The following VAX2 variants were observed in gnomAD, a reference collection of about 807,000 sequenced individuals.
VAX2 encodes the protein ventral anterior homeobox 2.
In VAX2, 8 loss-of-function variants were observed where a neutral mutation model predicts 12.5. That is an observed-to-expected ratio of 0.64 (90% CI 0.37 to 1.15). The LOEUF (loss-of-function observed/expected upper bound fraction) is 1.15. VAX2 is among the 50% of genes most tolerant of loss of function. VAX2 has a pLI of 0.01. For synonymous variants in VAX2, 183 were observed against 187.6 expected (o/e 0.98, Z 0.20); for missense variants, 476 against 412.9 (o/e 1.15, Z -1.32).
chr2:70,909,579 A>G (rs1334811450), intron 1 of VAX2, among the ~76,000 whole-genome samples: 1 of 151,966 alleles, frequency 6.6e-6, no homozygotes, highest in African/African-American at 2.4e-5. Flanking sequence ...TTACCTTCCA[A>G]ACTTTACCTA....
intron 1 of VAX2, among the ~76,000 whole-genome samples, chr2:70,903,423 A>AG (rs1221436082): frequency 7.9e-5 from 12 of 151,908 alleles, no homozygotes; most frequent in Non-Finnish European, 1.5e-4. Flanking sequence ...GGCATACCAC[A>AG]GGGGGGTGGG....
intron 1 of VAX2, among the ~76,000 whole-genome samples, chr2:70,920,451 T>G (rs1029265990): frequency 2.6e-5 from 4 of 152,060 alleles, no homozygotes; most frequent in Non-Finnish European, 4.4e-5. Context: ...ACTAGGCACA[T>G]GGGGAGTGGC....
intron 2 of VAX2, among the ~76,000 whole-genome samples, chr2:70,930,721 C>A (rs1553414194): frequency 6.6e-6 from 1 of 152,234 alleles, no homozygotes; most frequent in East Asian, 1.9e-4. Flanking sequence ...ACCTGGGCAG[C>A]CCTCTGGCTC....
chr2:70,914,948 A>C (rs2104768941), intron 1 of VAX2, among the ~76,000 whole-genome samples: 1 of 151,842 alleles, frequency 6.6e-6, no homozygotes, highest in South Asian at 2.1e-4. Flanking sequence ...TTAGAGGCGC[A>C]CGCCACCACA....
In VAX2 at chr2:70,932,810, A is replaced by T. The variant is rs782613754; in HGVS notation, c.479A>T (p.Asp160Val). The change falls in exon 3 of 3, where the codon GAC becomes GTC. Residue 160 changes from aspartate to valine, a missense_variant. Transcript: ENST00000234392. ...AACCGCCGCACCAAGCAGAAGAAAG[A>T]CCAGAGCAGAGACCTGGAGAAGCGG... Reference protein sequence around the residue: ...FQNRRTKQKKDQSRDLEKRAS... With the variant: ...FQNRRTKQKKVQSRDLEKRAS... 1 of 1,606,240 alleles carries T rather than the reference A, an allele frequency of 6.2e-7. No individual in the cohort carries two copies. Among genetic ancestry groups the T allele is most frequent in the Admixed American group, 1.7e-5 (1 of 59,060 alleles).
chr2:70,900,657 C>T lies in VAX2; in HGVS notation c.36C>T (p.Pro12=), dbSNP rs949123491. 66 of 1,281,118 alleles carry T rather than the reference C, an allele frequency of 5.2e-5. No individual in the cohort carries two copies. The highest frequency in any genetic ancestry group is 5.8e-5 in the Non-Finnish European group (59 of 1,013,994). 79.4% of individuals were successfully genotyped at this position (1,281,118 alleles called of 1,614,324 possible). A position where few individuals can be genotyped will look rare whatever the true frequency, so the allele number is the denominator to read the frequency against. ...GDGGAERDRG[P]ARRAESGGGG... ...GGGGCGCCGAGCGCGACCGGGGCCC[C>T]GCGCGCCGGGCGGAGTCTGGTGGCG... Residue 12 remains proline (P), a synonymous_variant, in exon 1 of 3, where the codon CCC becomes CCT. Transcript: ENST00000234392.
chr2:70,918,326 G>A (rs1679352530), intron 1 of VAX2, among the ~76,000 whole-genome samples: 1 of 152,250 alleles, frequency 6.6e-6, no homozygotes, highest in Admixed American at 6.5e-5. Context: ...CCTGGAAGGG[G>A]AGTGTCAATT....
chr2:70,924,840 C>A (rs1553413326), intron 2 of VAX2, among the ~76,000 whole-genome samples: 1 of 152,104 alleles, frequency 6.6e-6, no homozygotes, highest in Non-Finnish European at 1.5e-5. Context: ...TCCACAGAGA[C>A]AAAGACAAAC....
chr2:70,900,927 C>T, intron 1 of VAX2, 59 bp downstream of exon 1: 1 of 1,277,284 alleles, frequency 7.8e-7, no homozygotes, highest in Non-Finnish European at 9.9e-7. Context: ...ATACTGGGGC[C>T]CCCGACCTAG....
chr2:70,927,637 G>A (rs143742105), intron 2 of VAX2, among the ~76,000 whole-genome samples: 21 of 152,052 alleles, frequency 1.4e-4, no homozygotes, highest in African/African-American at 4.8e-4. Context: ...TATTGACCAT[G>A]AGCCCAAAGA....
At chr2:70,906,667 A>C (rs1553410626) in intron 1 of VAX2, among the ~76,000 whole-genome samples, 1 of 151,626 alleles carries the variant, frequency 6.6e-6, no homozygotes, top group African/African-American at 2.4e-5. Context: ...GTGCTGGATT[A>C]CAGGACTGAG....
At chr2:70,910,457 A>G (rs1553411067) in intron 1 of VAX2, among the ~76,000 whole-genome samples, 1 of 152,120 alleles carries the variant, frequency 6.6e-6, no homozygotes, top group Non-Finnish European at 1.5e-5. Context: ...TCTTATATTG[A>G]TTTATACTCT....
intron 1 of VAX2, among the ~76,000 whole-genome samples, chr2:70,912,388 A>G (rs1679205358): frequency 6.6e-6 from 1 of 152,168 alleles, no homozygotes; most frequent in Non-Finnish European, 1.5e-5. Flanking sequence ...TCGGCCAGGC[A>G]TGGTGGCTCA....
In VAX2 at chr2:70,900,703, C is replaced by A. The variant is rs1251795710; in HGVS notation, c.82C>A (p.Arg28Ser). 1.1e-5 allele frequency: 15 copies of A among 1,356,106 alleles called. No homozygotes were observed. Among genetic ancestry groups the A allele is most frequent in the African/African-American group, 1.1e-4 (7 of 65,790 alleles). The allele number at this position is 1,356,106 out of a possible 1,614,324, so 84.0% of individuals were successfully genotyped here. The part of the protein sequence containing the change: ...SGGGGGRCGD[R>S]SGAGDLRADG... ...TGGCGGCGGTGGGCGCTGCGGAGAC[C>A]GCAGCGGAGCGGGGGACTTGCGAGC... The change falls in exon 1 of 3, where the codon CGC (arginine) becomes AGC (serine). Residue 28 changes from arginine to serine, a missense_variant. Coordinates refer to ENST00000234392, the MANE Select transcript of VAX2 (RefSeq NM_012476.3).
At chr2:70,909,165 T>A (rs536762825) in intron 1 of VAX2, among the ~76,000 whole-genome samples, 53 of 152,178 alleles carry the variant, frequency 3.5e-4, no homozygotes, top group African/African-American at 1.3e-3. Context: ...TTTTATTATG[T>A]CATTATATTT....
At chr2:70,930,603 G>T (rs1237232472) in intron 2 of VAX2, among the ~76,000 whole-genome samples, 1 of 152,180 alleles carries the variant, frequency 6.6e-6, no homozygotes, top group Non-Finnish European at 1.5e-5. Flanking sequence ...AAGCACCAAG[G>T]CCTCACTTTC....
chr2:70,922,241 C>A (rs1343131388), intron 2 of VAX2, among the ~76,000 whole-genome samples: 1 of 152,214 alleles, frequency 6.6e-6, no homozygotes, highest in Non-Finnish European at 1.5e-5. Context: ...TCAATCAATA[C>A]ATGCATTGTA....
intron 2 of VAX2, among the ~76,000 whole-genome samples, chr2:70,922,687 A>G (rs1472759217): frequency 3.3e-5 from 5 of 150,416 alleles, no homozygotes; most frequent in Admixed American, 2.0e-4. Context: ...AGGCCGGGGA[A>G]GGACAGCAGC....
rs549862983 is a variant in VAX2, at chr2:70,933,341, G to A, written c.*137G>A. On this transcript the variant is annotated 3_prime_UTR_variant, in exon 3 of 3. Coordinates refer to ENST00000234392, the MANE Select transcript of VAX2 (RefSeq NM_012476.3). ...TTCCCCACCTGCCCCCCAGCTCAGA[G>A]ACTCGTGACCAAATGGCCTTGGTCC... is the stretch of plus-strand genomic sequence containing the variant. The A allele has an allele frequency of 1.5e-5, 13 of 868,090 alleles. No homozygotes were observed. The highest frequency in any genetic ancestry group is 2.1e-5 in the Non-Finnish European group (13 of 622,004). The allele number at this position is 868,090 out of a possible 1,614,324, so 53.8% of individuals were successfully genotyped here. A position where few individuals can be genotyped will look rare whatever the true frequency, so the allele number is the denominator to read the frequency against.
Sources: allele counts gnomAD v4.1 joint callset (sites outside exome capture counted in the v4.1 genomes callset), GRCh38; gene constraint gnomAD v4.1.1; transcripts MANE v1.5; gene names NCBI Gene and HGNC (gene_info 2026-07-23, HGNC 2026-07-21).